AKR1A1: variants seen among roughly 807,000 people sequenced by gnomAD.
AKR1A1 encodes the protein aldo-keto reductase family 1 member A1, also known as HEL-S-165mP.
Under a neutral mutation model 39.2 loss-of-function variants are expected in AKR1A1, and 26 were observed. The observed-to-expected ratio is 0.66, with a 90% CI of 0.49 to 0.92. AKR1A1 has a LOEUF of 0.92. Among genes scored for constraint, AKR1A1 ranks in the 40% least tolerant of loss-of-function variants. The probability of loss-of-function intolerance (pLI) is 0.00; values close to 1 mark genes in which losing one functional copy is unlikely to be tolerated. For missense variants in AKR1A1, 378 were observed against 406.5 expected, an observed-to-expected ratio of 0.93 and a Z score of 0.60; for synonymous variants, 141 against 155.5, an observed-to-expected ratio of 0.91 and a Z score of 0.69.
intron 4 of AKR1A1, chr1:45,567,293 G>A (rs949431585): frequency 2.4e-6 from 1 of 413,678 alleles, no homozygotes; most frequent in Non-Finnish European, 4.3e-6. Flanking sequence ...TTTAGAAAAG[G>A]TGCTGACTTT....
At chr1:45,563,516 G>A (rs894668091) in intron 2 of AKR1A1, among the ~76,000 whole-genome samples, 1 of 151,910 alleles carries the variant, frequency 6.6e-6, no homozygotes, top group African/African-American at 2.4e-5. Flanking sequence ...TAAGCTGGGT[G>A]TGGTGGCTCA....
chr1:45,560,215 A>G (rs892432579), intron 1 of AKR1A1, among the ~76,000 whole-genome samples: 1 of 151,914 alleles, frequency 6.6e-6, no homozygotes, highest in African/African-American at 2.4e-5. Flanking sequence ...CTAACTTTTG[A>G]CCTCAAGTGA....
intron 1 of AKR1A1, among the ~76,000 whole-genome samples, chr1:45,554,917 CT>C (rs1256709375): frequency 1.3e-5 from 2 of 152,112 alleles, no homozygotes; most frequent in Admixed American, 1.3e-4. Flanking sequence ...TCTCGAACTC[CT>C]GGACTCAAGC....
intron 1 of AKR1A1, among the ~76,000 whole-genome samples, chr1:45,556,549 C>T (rs1644206545): frequency 6.6e-6 from 1 of 151,272 alleles, no homozygotes; most frequent in Middle Eastern, 3.4e-3. Context: ...CCACTGTACT[C>T]CAGCCTGGGT....
intron 1 of AKR1A1, among the ~76,000 whole-genome samples, chr1:45,560,247 A>G (rs189601175): frequency 1.7e-4 from 26 of 152,176 alleles, no homozygotes; most frequent in Non-Finnish European, 1.3e-4. Context: ...TGGCCTTCCT[A>G]TGTGCTTGTA....
rs1033602817 is a variant in AKR1A1 at position 45,567,994 on chromosome 1, C to A, written c.369C>A (p.Asn123Lys). The change falls in exon 5 of 9, where the codon AAC becomes AAA. Residue 123 changes from asparagine to lysine, a missense_variant. Transcript: ENST00000351829. ...HWPYAFERGD[N>K]PFPKNADGTI... Reference sequence around the variant, plus strand: ...GTCTCTCACTCAGGCGGGGAGACAACCCCTTCCCCAAGAATGCTGATGGGA... The same window carrying A: ...GTCTCTCACTCAGGCGGGGAGACAAACCCTTCCCCAAGAATGCTGATGGGA... The A allele has an allele frequency of 6.2e-7, 1 of 1,612,790 alleles. No individual in the cohort carries two copies. The highest frequency in any genetic ancestry group is 2.2e-5 in the East Asian group (1 of 44,856).
chr1:45,563,801 T>A (rs1482991571), intron 2 of AKR1A1, among the ~76,000 whole-genome samples: 1 of 152,158 alleles, frequency 6.6e-6, no homozygotes, highest in Non-Finnish European at 1.5e-5. Flanking sequence ...AGAAAAATAA[T>A]AATAAAATAA....
chr1:45,561,793 C>T lies in AKR1A1; in HGVS notation c.-2C>T. ...CTCTTCCCATCTGTGTTTCAGGGGGCAATGGCGGCTTCCTGTGTTCTACTG... is the reference window on the plus strand; with the variant it reads ...CTCTTCCCATCTGTGTTTCAGGGGGTAATGGCGGCTTCCTGTGTTCTACTG... On this transcript the variant is annotated 5_prime_UTR_variant, in exon 2 of 9. Coordinates refer to ENST00000351829, the MANE Select transcript of AKR1A1 (RefSeq NM_153326.3). 1 of 1,614,010 alleles carries T rather than the reference C, an allele frequency of 6.2e-7. No individual in the cohort carries two copies. The highest frequency in any genetic ancestry group is 8.5e-7 in the Non-Finnish European group (1 of 1,179,940).
intron 8 of AKR1A1, 82 bp from the exon 9 acceptor site, chr1:45,569,809 T>G (rs1168800136): frequency 3.1e-6 from 4 of 1,284,370 alleles, no homozygotes; most frequent in South Asian, 2.4e-5. Context: ...TGAGTTTGTT[T>G]AGGAAGATTT....
intron 5 of AKR1A1, 74 bp downstream of exon 5, chr1:45,568,251 C>T: frequency 6.7e-7 from 1 of 1,486,434 alleles, no homozygotes; most frequent in South Asian, 1.3e-5. Context: ...GATGGATCTG[C>T]TTAAGGGAGA....
intron 2 of AKR1A1, 64 bp downstream of exon 2, chr1:45,561,942 C>T: frequency 1.3e-6 from 2 of 1,489,896 alleles, no homozygotes; most frequent in Non-Finnish European, 1.9e-6. Flanking sequence ...CTAGCAGCCC[C>T]ACCCCCATAC....
At chr1:45,559,351 C>T (rs113063612) in intron 1 of AKR1A1, among the ~76,000 whole-genome samples, 8,051 of 152,224 alleles carry the variant, frequency 0.053, 295 homozygotes, top group Non-Finnish European at 0.075. Context: ...GCTCCAGTTA[C>T]CTGCTTTGTT....
In AKR1A1 at chr1:45,566,486, T is replaced by G. The variant is rs1336125349; in HGVS notation, c.85-83T>G. The G allele has an allele frequency of 5.1e-6, 8 of 1,566,804 alleles. No individual in the cohort carries two copies. The Admixed American group carries it at 7.1e-5, about 14-fold the overall frequency. Reference sequence around the variant, plus strand: ...GTGCCTGTTATATTTCTGAGCCCCCTTCCCCCAGCATTGACCTTGGGGTGG... The same window carrying G: ...GTGCCTGTTATATTTCTGAGCCCCCGTCCCCCAGCATTGACCTTGGGGTGG... On this transcript the variant is annotated intron_variant, in intron 2 of 8. Transcript: ENST00000351829.
intron 1 of AKR1A1, among the ~76,000 whole-genome samples, chr1:45,554,691 T>TTTTA: frequency 6.6e-6 from 1 of 152,134 alleles, no homozygotes; most frequent in Admixed American, 6.6e-5. Flanking sequence ...TTTAGATGGC[T>TTTTA]TTTATTTATT....
At chr1:45,552,774 G>T (rs1195315751) in intron 1 of AKR1A1, among the ~76,000 whole-genome samples, 1 of 152,148 alleles carries the variant, frequency 6.6e-6, no homozygotes, top group African/African-American at 2.4e-5. Flanking sequence ...GTTGGATCTG[G>T]TGATGGACTG....
At chr1:45,563,549 G>A (rs1644304522) in intron 2 of AKR1A1, among the ~76,000 whole-genome samples, 1 of 152,178 alleles carries the variant, frequency 6.6e-6, no homozygotes, top group African/African-American at 2.4e-5. Context: ...CAGCACTTTG[G>A]GAGGCTGAGG....
At chr1:45,558,737 T>G (rs1232131272) in intron 1 of AKR1A1, among the ~76,000 whole-genome samples, 1 of 152,178 alleles carries the variant, frequency 6.6e-6, no homozygotes, top group African/African-American at 2.4e-5. Flanking sequence ...TTTCGCCATG[T>G]TGGCCAGGCT....
At chr1:45,556,547 C>T (rs562360694) in intron 1 of AKR1A1, among the ~76,000 whole-genome samples, 1 of 151,504 alleles carries the variant, frequency 6.6e-6, no homozygotes, top group East Asian at 1.9e-4. Context: ...TGCCACTGTA[C>T]TCCAGCCTGG....
At chr1:45,566,837 C>T (rs761808775) in intron 3 of AKR1A1, 32 bp from the exon 4 acceptor site, 7 of 1,608,740 alleles carry the variant, frequency 4.4e-6, no homozygotes, top group Non-Finnish European at 5.9e-6. Flanking sequence ...GCTCATGGCT[C>T]TTCTCACTGT....
Sources: gnomAD v4.1 joint callset for allele counts (sites outside exome capture counted in the v4.1 genomes callset) on GRCh38, gnomAD v4.1.1 for gene constraint, MANE v1.5 for transcripts, NCBI Gene and HGNC (gene_info 2026-07-23, HGNC 2026-07-21) for gene names.